The following PLD5 variants were observed in gnomAD, a reference collection of about 807,000 sequenced individuals.
The protein encoded by PLD5 is phospholipase D family member 5, also known as inactive phospholipase D5.
Under a neutral mutation model 61.1 loss-of-function variants are expected in PLD5, and 36 were observed. That is an observed-to-expected ratio of 0.59 (90% CI 0.45 to 0.78). PLD5 has a LOEUF of 0.78. PLD5 is among the 30% of genes least tolerant of loss of function. The pLI, the probability that PLD5 is intolerant of heterozygous loss-of-function variation, is 0.00. For missense variants in PLD5, 515 were observed against 644.4 expected (o/e 0.80, Z 2.17); for synonymous variants, 243 against 242.8 (o/e 1.00, Z -0.01).
In PLD5 at chr1:242,468,988, C is replaced by T. The variant is rs571658955; in HGVS notation, c.189+55100G>A. The stretch of plus-strand genomic sequence containing the variant: ...GCATACAGCTAGTGAGCAGTGAAGC[C>T]GTGATTCAGACTCAGGCAGTCTGGT... On this transcript the variant is annotated intron_variant, in intron 1 of 9. Coordinates refer to ENST00000536534, the MANE Select transcript of PLD5 (RefSeq NM_001372062.1). 1.1e-4 allele frequency among the ~76,000 whole-genome samples: 17 copies of T among 152,054 alleles called. No individual in the cohort carries two copies. In the South Asian group the frequency reaches 1.5e-3, roughly 13 times the overall value.
At position 242,241,910 on chromosome 1, in the gene PLD5, T is replaced by TATATATATAC. The variant is rs1210639780; in HGVS notation, c.608-21796_608-21795insGTATATATAT. On this transcript the variant is annotated intron_variant, in intron 4 of 9. Coordinates refer to ENST00000536534, the MANE Select transcript of PLD5 (RefSeq NM_001372062.1). ...ATATATATATATATATATATATATA[T>TATATATATAC]ACTTACTGTATATATATATACGCTT... 1.7e-3 allele frequency among the ~76,000 whole-genome samples: 88 copies of TATATATATAC among 50,376 alleles called. 4 individuals carry two copies. Among genetic ancestry groups the TATATATATAC allele is most frequent in the African/African-American group, 2.4e-3 (30 of 12,300 alleles). 33.0% of individuals were successfully genotyped at this position (50,376 alleles called of 152,430 possible). A position where few individuals can be genotyped will look rare whatever the true frequency, so the allele number is the denominator to read the frequency against.
intron 1 of PLD5, among the ~76,000 whole-genome samples, chr1:242,378,545 CAATT>C (rs1254397978): frequency 1.3e-5 from 2 of 152,004 alleles, no homozygotes; most frequent in African/African-American, 4.8e-5. Flanking sequence ...CAATAAAAAA[CAATT>C]AAAAAAACCA....
intron 3 of PLD5, among the ~76,000 whole-genome samples, chr1:242,270,699 G>T (rs1490965567): frequency 6.6e-6 from 1 of 152,152 alleles, no homozygotes; most frequent in East Asian, 1.9e-4. Context: ...AGCCCTATAT[G>T]AGTGTTCCAG....
chr1:242,377,570 A>G (rs1662035553), intron 1 of PLD5: 1 of 514,888 alleles, frequency 1.9e-6, no homozygotes, highest in South Asian at 2.9e-5. Context: ...AGATAGAGAC[A>G]TGACCCTGGT....
rs191943933 is a variant in PLD5 at position 242,446,954 on chromosome 1, G to C, written c.189+77134C>G. Among the ~76,000 whole-genome samples, 193 of 152,244 alleles carry C rather than the reference G, an allele frequency of 1.3e-3. 3 individuals are homozygous for C. Among genetic ancestry groups the C allele is most frequent in the Admixed American group, 3.4e-3 (52 of 15,284 alleles). On this transcript the variant is annotated intron_variant, in intron 1 of 9. Transcript: ENST00000536534. Reference sequence around the variant, plus strand: ...CCCACCCTGGCATTACCCCTCACTAGCTGTGTGCCCTTCAGAAAGCACAGA... The same window carrying C: ...CCCACCCTGGCATTACCCCTCACTACCTGTGTGCCCTTCAGAAAGCACAGA...
rs1179228176 is a variant in PLD5, at chr1:242,256,039, T to C, written c.607+9298A>G. Among the ~76,000 whole-genome samples, 8 of 152,208 alleles carry C rather than the reference T, an allele frequency of 5.3e-5. 1 individual carries two copies. The highest frequency in any genetic ancestry group is 1.9e-4 in the African/African-American group (8 of 41,452). ...CTTATTAGGTCCCTGTGGCTATTGG[T>C]TATTCACTAATATGGGTAAGGCTCT... On this transcript the variant is annotated intron_variant, in intron 4 of 9. Coordinates refer to ENST00000536534, the MANE Select transcript of PLD5 (RefSeq NM_001372062.1). This position sits in a 1 kb window ranked among gnomAD's most constrained non-coding sequence, Gnocchi z 5.7.
At chr1:242,317,009 T>A (rs1658049283) in intron 2 of PLD5, among the ~76,000 whole-genome samples, 1 of 143,964 alleles carries the variant, frequency 6.9e-6, no homozygotes. Flanking sequence ...TCCAGTCTAC[T>A]TTTTTTTTTT....
chr1:242,280,296 TG>T (rs1674649919), intron 3 of PLD5, among the ~76,000 whole-genome samples: 2 of 152,194 alleles, frequency 1.3e-5, no homozygotes, highest in African/African-American at 4.8e-5. Flanking sequence ...CTGTAGTACA[TG>T]GATCTGGAAT....
chr1:242,198,046 G>T (rs1277389382), intron 5 of PLD5, among the ~76,000 whole-genome samples: 1 of 151,736 alleles, frequency 6.6e-6, no homozygotes, highest in Non-Finnish European at 1.5e-5. Flanking sequence ...GCCTGGTACA[G>T]AGCAGAGACT....
chr1:242,527,418 G>C (rs1558172174), upstream of PLD5, among the ~76,000 whole-genome samples: 1 of 152,130 alleles, frequency 6.6e-6, no homozygotes, highest in Non-Finnish European at 1.5e-5. Context: ...TTACAGGCGT[G>C]AGCCACCGCG....
intron 3 of PLD5, among the ~76,000 whole-genome samples, chr1:242,281,235 GA>G (rs549885788): frequency 2.6e-4 from 40 of 152,344 alleles, no homozygotes; most frequent in Non-Finnish European, 5.3e-4. Context: ...TAAGTTTGAT[GA>G]AACAAAAGCC....
chr1:242,151,270 TTTCTGTGATCATA>T (rs1195385626), intron 5 of PLD5, among the ~76,000 whole-genome samples: 1 of 152,126 alleles, frequency 6.6e-6, no homozygotes, highest in East Asian at 1.9e-4. Context: ...TTCAAGCTTC[TTTCTGTGATCATA>T]TTCTTTATGC....
At chr1:242,196,079 C>T (rs960086797) in intron 5 of PLD5, among the ~76,000 whole-genome samples, 6 of 151,852 alleles carry the variant, frequency 4.0e-5, no homozygotes, top group African/African-American at 1.2e-4. Context: ...CTATTTTTGT[C>T]GATATTGGTT....
intron 1 of PLD5, among the ~76,000 whole-genome samples, chr1:242,388,741 G>T (rs935367955): frequency 6.6e-6 from 1 of 152,056 alleles, no homozygotes; most frequent in African/African-American, 2.4e-5. Context: ...TGGATCACGA[G>T]GTCAGGAGTT....
rs1011494276 is a variant in PLD5 at position 242,392,276 on chromosome 1, G to A, written c.190-44034C>T. ...TACTAGAAAGAGGAGGGAGAGAGAGGGCAAGAGTTGAAAAACTACTTATGG... is the reference window on the plus strand; with the variant it reads ...TACTAGAAAGAGGAGGGAGAGAGAGAGCAAGAGTTGAAAAACTACTTATGG... On this transcript the variant is annotated intron_variant, in intron 1 of 9. Coordinates refer to ENST00000536534, the MANE Select transcript of PLD5 (RefSeq NM_001372062.1). 1.7e-4 allele frequency among the ~76,000 whole-genome samples: 26 copies of A among 152,086 alleles called. 1 individual carries two copies. Among genetic ancestry groups the A allele is most frequent in the Admixed American group, 1.6e-3 (24 of 15,282 alleles).
At chr1:242,246,944 C>T (rs1558393362) in intron 4 of PLD5, among the ~76,000 whole-genome samples, 1 of 150,598 alleles carries the variant, frequency 6.6e-6, no homozygotes, top group Non-Finnish European at 1.5e-5. Context: ...GAAGTGGAAG[C>T]TTATGAGTCA....
At chr1:242,136,772 C>T (rs1234970902) in intron 5 of PLD5, among the ~76,000 whole-genome samples, 1 of 152,126 alleles carries the variant, frequency 6.6e-6, no homozygotes, top group Non-Finnish European at 1.5e-5. Flanking sequence ...ATCTGGGAAC[C>T]TTATGTAACA....
chr1:242,162,110 A>ATTAACAAGTTGGGGTT (rs1167222323), intron 5 of PLD5, among the ~76,000 whole-genome samples: 2 of 152,320 alleles, frequency 1.3e-5, no homozygotes, highest in East Asian at 3.9e-4. Flanking sequence ...CATTTATTCA[A>ATTAACAAGTTGGGGTT]TTAACAAGTT....
At chr1:242,515,737 C>A (rs761770817) in intron 1 of PLD5, among the ~76,000 whole-genome samples, 6 of 152,166 alleles carry the variant, frequency 3.9e-5, no homozygotes, top group Admixed American at 2.0e-4. Flanking sequence ...CTGTGAACAA[C>A]TAAAATAATG....
Sources: gnomAD v4.1 joint callset for allele counts (sites outside exome capture counted in the v4.1 genomes callset) on GRCh38, gnomAD v4.1.1 for gene constraint, Gnocchi (gnomAD v3.1) non-coding constraint, MANE v1.5 for transcripts, NCBI Gene and HGNC (gene_info 2026-07-23, HGNC 2026-07-21) for gene names.